TLN2: variants seen among roughly 807,000 people sequenced by gnomAD.
TLN2 encodes the protein talin-2.
TLN2 carries 118 observed loss-of-function variants against 294.7 expected under a neutral mutation model. The observed-to-expected ratio is 0.40, with a 90% CI of 0.34 to 0.47. The LOEUF is 0.47. Among genes scored for constraint, TLN2 ranks in the 20% least tolerant of loss-of-function variants. The pLI is 0.84. For missense variants in TLN2, 3,083 were observed against 3,282.2 expected (o/e 0.94, Z 1.48); for synonymous variants, 1,431 against 1,304.5 (o/e 1.10, Z -2.09).
chr15:62,799,719 C>T (rs1303409635), intron 48 of TLN2, among the ~76,000 whole-genome samples: 2 of 152,218 alleles, frequency 1.3e-5, no homozygotes, highest in African/African-American at 4.8e-5. Flanking sequence ...CTGATAAGTG[C>T]TGTAAATAAA....
At chr15:62,718,055 G>A (rs1595772959) in intron 24 of TLN2, among the ~76,000 whole-genome samples, 3 of 152,322 alleles carry the variant, frequency 2.0e-5, no homozygotes, top group Admixed American at 2.0e-4. Context: ...GCTCCCTGGA[G>A]CAGGGTTCAT....
chr15:62,756,469 G>A (rs1450506213), intron 37 of TLN2, among the ~76,000 whole-genome samples: 1 of 152,152 alleles, frequency 6.6e-6, no homozygotes, highest in Non-Finnish European at 1.5e-5. Context: ...ACCGCAGGCA[G>A]AAGGCCCAGC....
At chr15:62,484,196 G>A (rs2038258555) in intron 1 of TLN2, among the ~76,000 whole-genome samples, 1 of 152,188 alleles carries the variant, frequency 6.6e-6, no homozygotes. Context: ...GTTTACTGAT[G>A]AAGTGAATTG....
chr15:62,750,070 C>G (rs1459297440), intron 33 of TLN2, among the ~76,000 whole-genome samples: 3 of 152,146 alleles, frequency 2.0e-5, no homozygotes, highest in Non-Finnish European at 4.4e-5. Context: ...TGCTAATTGA[C>G]CACGCATGTA....
At chr15:62,823,808 T>C (rs1468110259) in intron 54 of TLN2, 1 of 395,782 alleles carries the variant, frequency 2.5e-6, no homozygotes, top group Admixed American at 3.7e-5. Flanking sequence ...GTGCTGACAG[T>C]ATTGTTAATG....
At chr15:62,569,758 G>A (rs963422557) in intron 1 of TLN2, among the ~76,000 whole-genome samples, 4 of 152,200 alleles carry the variant, frequency 2.6e-5, no homozygotes, top group Admixed American at 1.3e-4. Flanking sequence ...GATAGGCACG[G>A]CTGAATTTCA....
chr15:62,792,621 TC>T lies in TLN2; in HGVS notation c.5737-18del, dbSNP rs1400731163. ...AGTCCATCACGCTTCTCCTTCCCCA[TC>T]CTGGGCTTGCCTCTGCAGATCGGAT... On this transcript the variant is annotated intron_variant, in intron 45 of 58. Transcript: ENST00000636159. 1 of 1,610,244 alleles carries T rather than the reference TC, an allele frequency of 6.2e-7. No individual in the cohort carries two copies. The highest frequency in any genetic ancestry group is 8.5e-7 in the Non-Finnish European group (1 of 1,178,436).
intron 1 of TLN2, among the ~76,000 whole-genome samples, chr15:62,467,396 A>G (rs1343011768): frequency 6.6e-6 from 1 of 152,224 alleles, no homozygotes; most frequent in Admixed American, 6.5e-5. Context: ...TATGGAAGAC[A>G]AGAGATTATT....
At chr15:62,798,862 T>A (rs112356967) in intron 48 of TLN2, among the ~76,000 whole-genome samples, 19 of 152,140 alleles carry the variant, frequency 1.2e-4, no homozygotes, top group Non-Finnish European at 1.3e-4. Context: ...AACATCAGAG[T>A]CCAGATTGGC....
rs746407682 is a variant in TLN2 at position 62,673,878 on chromosome 15, G to A, written c.840G>A (p.Lys280=). The A allele has an allele frequency of 1.2e-6, 2 of 1,613,086 alleles. No individual in the cohort carries two copies. The highest frequency in any genetic ancestry group is 1.7e-6 in the Non-Finnish European group (2 of 1,179,328). Reference sequence around the variant, plus strand: ...ATATCAAGCAGAGAGGAGCTGAAAAGAGGATCTTTCAGGTATTGGAAATGT... The same window carrying A: ...ATATCAAGCAGAGAGGAGCTGAAAAAAGGATCTTTCAGGTATTGGAAATGT... The part of the protein sequence containing the change: ...KEYIKQRGAE[K]RIFQEHKNCG... Residue 280 remains lysine (K), a synonymous_variant, in exon 10 of 59, where the codon AAG becomes AAA. Coordinates refer to ENST00000636159, the MANE Select transcript of TLN2 (RefSeq NM_015059.3).
At chr15:62,765,572 C>A in intron 40 of TLN2, among the ~76,000 whole-genome samples, 1 of 152,208 alleles carries the variant, frequency 6.6e-6, no homozygotes, top group East Asian at 1.9e-4. Flanking sequence ...ATCAGTGAAG[C>A]TCGTATGAAT....
At chr15:62,592,810 G>C (rs2046188008) in intron 2 of TLN2, among the ~76,000 whole-genome samples, 1 of 152,184 alleles carries the variant, frequency 6.6e-6, no homozygotes, top group African/African-American at 2.4e-5. Flanking sequence ...GCTTTAAAGA[G>C]TTACATGCAT....
rs1044460437 is a variant in TLN2, at chr15:62,656,224, C to A, written c.660+138C>A. On this transcript the variant is annotated intron_variant, in intron 8 of 58. Transcript: ENST00000636159. ...TTTCCAGCAGGCGCTGCTCGTGGGT[C>A]CCCGCATGTGTTTGGTTGTGGTGCA... The A allele has an allele frequency of 4.6e-6, 5 of 1,087,704 alleles. No individual in the cohort carries two copies. The East Asian group carries it at 1.2e-4, about 27-fold the overall frequency. 67.4% of individuals were successfully genotyped at this position (1,087,704 alleles called of 1,614,324 possible). A position where few individuals can be genotyped will look rare whatever the true frequency, so the allele number is the denominator to read the frequency against.
intron 3 of TLN2, among the ~76,000 whole-genome samples, chr15:62,633,565 A>G (rs2050113127): frequency 6.6e-6 from 1 of 152,156 alleles, no homozygotes; most frequent in South Asian, 2.1e-4. Flanking sequence ...CCAGCCTTTG[A>G]GTCAATGGGA....
intron 1 of TLN2, among the ~76,000 whole-genome samples, chr15:62,446,540 A>G (rs1388920973): frequency 6.6e-6 from 1 of 152,146 alleles, no homozygotes; most frequent in Admixed American, 6.6e-5. Flanking sequence ...GAGTCAGACG[A>G]CTTGGGTTCT....
At chr15:62,636,249 A>AATAGATAGATAGATAGATAGATAG (rs57713976) in intron 3 of TLN2, among the ~76,000 whole-genome samples, 258 of 150,140 alleles carry the variant, frequency 1.7e-3, no homozygotes, top group Non-Finnish European at 2.4e-3. Flanking sequence ...GGGATACTGT[A>AATAGATAGATAGATAGATAGATAG]ATAGATAGAT....
chr15:62,802,284 G>T (rs1001671819), intron 50 of TLN2, among the ~76,000 whole-genome samples: 2 of 152,052 alleles, frequency 1.3e-5, no homozygotes, highest in Non-Finnish European at 2.9e-5. Context: ...TGTTGCTAAT[G>T]ATAGGATCTC....
intron 1 of TLN2, among the ~76,000 whole-genome samples, chr15:62,398,803 A>G (rs527815075): frequency 6.6e-6 from 1 of 152,202 alleles, no homozygotes; most frequent in South Asian, 2.1e-4. Context: ...GAGGTGACAG[A>G]GCATAAAAGT....
chr15:62,825,020 G>A (rs983903649), intron 54 of TLN2, among the ~76,000 whole-genome samples: 2 of 152,180 alleles, frequency 1.3e-5, no homozygotes, highest in African/African-American at 2.4e-5. Flanking sequence ...CATAGTGACA[G>A]GGTCACCAAC....
Sources: allele counts gnomAD v4.1 joint callset (sites outside exome capture counted in the v4.1 genomes callset), GRCh38; gene constraint gnomAD v4.1.1; transcripts MANE v1.5; gene names NCBI Gene and HGNC (gene_info 2026-07-23, HGNC 2026-07-21).